Variants in ZBTB2 observed in about 807,000 individuals in gnomAD.
The protein encoded by ZBTB2 is zinc finger and BTB domain-containing protein 2.
ZBTB2 carries 2 observed loss-of-function variants against 39.5 expected under a neutral mutation model. The observed-to-expected ratio is 0.05, with a 90% CI of 0.02 to 0.16. The LOEUF (loss-of-function observed/expected upper bound fraction) is 0.16. Ranked by LOEUF, ZBTB2 falls within the 10% of genes least tolerant of loss-of-function variation. The pLI, the probability that ZBTB2 is intolerant of heterozygous loss-of-function variation, is 1.00. For missense variants in ZBTB2, 391 were observed against 653.0 expected (o/e 0.60, Z 4.37); for synonymous variants, 251 against 256.6 (o/e 0.98, Z 0.21).
At chr6:151,373,112 A>G (rs781582073) in intron 2 of ZBTB2, among the ~76,000 whole-genome samples, 14 of 128,844 alleles carry the variant, frequency 1.1e-4, no homozygotes, top group East Asian at 2.7e-4. Context: ...CCGAGATTGC[A>G]CCACTGCACT....
At position 151,365,742 on chromosome 6, in the gene ZBTB2, C is replaced by T. The variant is rs376220688; in HGVS notation, c.1324G>A (p.Val442Met). Reference sequence around the variant, plus strand: ...CATTTGTAGGGTTTGTTTGTTTGCACCAGCATGTTGTCCATCTGACTCCCT... The same window carrying T: ...CATTTGTAGGGTTTGTTTGTTTGCATCAGCATGTTGTCCATCTGACTCCCT... ...EEGSQMDNML[V>M]QTNKPYKCNL... The change falls in exon 3 of 3, where the codon GTG (valine) becomes ATG (methionine). Residue 442 changes from valine (V) to methionine (M), a missense_variant. By Grantham distance (21) the Val-to-Met change is conservative (BLOSUM62 1). Transcript: ENST00000325144. The surrounding 1 kb of genome is among the most constrained non-coding windows in gnomAD (Gnocchi z 5.6). 5.0e-6 allele frequency: 8 copies of T among 1,614,052 alleles called. No homozygotes were observed. The African/African-American group carries it at 6.7e-5, about 13-fold the overall frequency.
rs1484634968 is a variant in ZBTB2, at chr6:151,366,887, C to T, written c.179G>A (p.Cys60Tyr). The change falls in exon 3 of 3, where the codon TGT (cysteine) becomes TAT (tyrosine). Residue 60 changes from cysteine to tyrosine, a missense_variant. By Grantham distance (194) the Cys-to-Tyr change is radical. Transcript: ENST00000325144. This position sits in a 1 kb window ranked among gnomAD's most constrained non-coding sequence, Gnocchi z 7.1. ...KMLFVHQTSECVRLKPTDIQP... is the reference protein window; with the variant it reads ...KMLFVHQTSEYVRLKPTDIQP... ...TATGTCAGTTGGTTTCAAGCGGACA[C>T]ACTCACTGAAAGAAACAAGTAAAAA... 7 of 1,600,556 alleles carry T rather than the reference C, an allele frequency of 4.4e-6. No individual in the cohort carries two copies. The highest frequency in any genetic ancestry group is 1.3e-5 in the African/African-American group (1 of 74,394).
chr6:151,383,081 C>A (rs1158747112), intron 1 of ZBTB2, among the ~76,000 whole-genome samples: 1 of 151,626 alleles, frequency 6.6e-6, no homozygotes, highest in Non-Finnish European at 1.5e-5. Flanking sequence ...CCCACCACAC[C>A]TGGCTAATTT....
chr6:151,377,778 C>T (rs960083059), intron 1 of ZBTB2, among the ~76,000 whole-genome samples: 6 of 151,978 alleles, frequency 3.9e-5, no homozygotes, highest in African/African-American at 1.2e-4. Flanking sequence ...TTGTGATCCG[C>T]CCACCTTGGC....
intron 2 of ZBTB2, among the ~76,000 whole-genome samples, chr6:151,371,408 G>A (rs1404516976): frequency 6.6e-6 from 1 of 152,186 alleles, no homozygotes; most frequent in Non-Finnish European, 1.5e-5. Context: ...CAATTAAAGT[G>A]TTATGAGCCA....
At chr6:151,387,846 CAT>C (rs1319333993) in intron 1 of ZBTB2, among the ~76,000 whole-genome samples, 3 of 152,154 alleles carry the variant, frequency 2.0e-5, no homozygotes, top group African/African-American at 7.2e-5. Context: ...AATGGATCTA[CAT>C]ATGTTGGGCT....
intron 1 of ZBTB2, among the ~76,000 whole-genome samples, chr6:151,378,354 C>A (rs1458589967): frequency 6.6e-6 from 1 of 152,120 alleles, no homozygotes; most frequent in Non-Finnish European, 1.5e-5. Flanking sequence ...GTATAAAGAC[C>A]TAGACTGTTG....
At chr6:151,388,377 G>A (rs1779208694) in intron 1 of ZBTB2, among the ~76,000 whole-genome samples, 1 of 152,206 alleles carries the variant, frequency 6.6e-6, no homozygotes, top group South Asian at 2.1e-4. Flanking sequence ...TAAAGCTGCT[G>A]ATCCCAGGCC....
intron 1 of ZBTB2, among the ~76,000 whole-genome samples, chr6:151,381,476 A>G (rs1218503305): frequency 6.6e-6 from 1 of 152,164 alleles, no homozygotes; most frequent in Non-Finnish European, 1.5e-5. Flanking sequence ...AGCCAAGATC[A>G]TGCCACTGCA....
Position 151,369,909 on chromosome 6 carries a change from AAAAC to A in ZBTB2, c.174-3021_174-3018del, listed in dbSNP as rs531686396. On this transcript the variant is annotated intron_variant, in intron 2 of 2. Transcript: ENST00000325144. ...GGCGACAAGAGCGAGACTCCATCTC[AAAAC>A]AAACAAACAAACAAACAAAAAACAG... Among the ~76,000 whole-genome samples, 68 of 152,230 alleles carry A rather than the reference AAAAC, an allele frequency of 4.5e-4. No individual in the cohort carries two copies. In the South Asian group the frequency reaches 0.011, roughly 24 times the overall value.
In ZBTB2 at chr6:151,366,514, C is replaced by T; in HGVS notation, c.552G>A (p.Leu184=). Residue 184 remains leucine, a synonymous_variant, in exon 3 of 3, where the codon CTG becomes CTA. Coordinates refer to ENST00000325144, the MANE Select transcript of ZBTB2 (RefSeq NM_020861.3). The surrounding 1 kb of genome is among the most constrained non-coding windows in gnomAD (Gnocchi z 7.1). ...TCATATTTGTCCGATTCACCTGGGCCAGATTTGAAGTCAGCTGGGAGAGCT... is the reference window on the plus strand; with the variant it reads ...TCATATTTGTCCGATTCACCTGGGCTAGATTTGAAGTCAGCTGGGAGAGCT... ...ASQLSQLTSN[L]AQVNRTNMTP... 1 of 1,614,060 alleles carries T rather than the reference C, an allele frequency of 6.2e-7. No individual in the cohort carries two copies. The highest frequency in any genetic ancestry group is 8.5e-7 in the Non-Finnish European group (1 of 1,180,014).
intron 1 of ZBTB2, among the ~76,000 whole-genome samples, chr6:151,390,679 G>C (rs1331033678): frequency 1.3e-5 from 2 of 151,690 alleles, no homozygotes; most frequent in Non-Finnish European, 3.0e-5. Context: ...CAGCAGTAGC[G>C]GCAGCAGCTG....
chr6:151,377,706 A>G (rs992523007), intron 1 of ZBTB2, among the ~76,000 whole-genome samples: 1 of 151,658 alleles, frequency 6.6e-6, no homozygotes, highest in East Asian at 1.9e-4. Flanking sequence ...TGCCCAGCTT[A>G]TTTTTTAGTA....
chr6:151,373,407 G>C (rs1778829032), intron 2 of ZBTB2, 58 bp downstream of exon 2: 20 of 1,591,566 alleles, frequency 1.3e-5, no homozygotes, highest in Middle Eastern at 1.7e-4. Flanking sequence ...ATGAGGGCCA[G>C]GGACATGGAG....
At chr6:151,376,157 T>C (rs1778903770) in intron 1 of ZBTB2, among the ~76,000 whole-genome samples, 1 of 152,152 alleles carries the variant, frequency 6.6e-6, no homozygotes, top group Non-Finnish European at 1.5e-5. Context: ...CAAAGAACTT[T>C]GACACTTAAG....
At chr6:151,373,136 C>G (rs1321530090) in intron 2 of ZBTB2, among the ~76,000 whole-genome samples, 1 of 109,884 alleles carries the variant, frequency 9.1e-6, no homozygotes, top group Non-Finnish European at 1.7e-5. Flanking sequence ...GCCTAGGCGA[C>G]AGAGAGAGAC....
chr6:151,383,437 TCAG>T (rs925430007), intron 1 of ZBTB2, among the ~76,000 whole-genome samples: 6 of 152,166 alleles, frequency 3.9e-5, no homozygotes, highest in Non-Finnish European at 8.8e-5. Context: ...TATTAAAAAT[TCAG>T]TTTTATTTGA....
chr6:151,390,294 C>G (rs1357976998), intron 1 of ZBTB2, among the ~76,000 whole-genome samples: 3 of 147,532 alleles, frequency 2.0e-5, no homozygotes, highest in African/African-American at 7.5e-5. Context: ...CGGGGCGGGG[C>G]CGGGGGCGCG....
At chr6:151,369,147 G>A (rs76690264) in intron 2 of ZBTB2, among the ~76,000 whole-genome samples, 2,352 of 152,192 alleles carry the variant, frequency 0.015, 46 homozygotes, top group African/African-American at 0.052. Context: ...GTGACTCAAC[G>A]GTAAGCCTCT....
Sources: gnomAD v4.1 joint callset for allele counts (sites outside exome capture counted in the v4.1 genomes callset) on GRCh38, gnomAD v4.1.1 for gene constraint, Gnocchi (gnomAD v3.1) non-coding constraint, MANE v1.5 for transcripts, NCBI Gene and HGNC (gene_info 2026-07-23, HGNC 2026-07-21) for gene names.